The following LRRC43 variants were observed in gnomAD, a reference collection of about 807,000 sequenced individuals.
The protein encoded by LRRC43 is leucine-rich repeat-containing protein 43.
LRRC43 carries 62 observed loss-of-function variants against 64.3 expected under a neutral mutation model. The observed-to-expected ratio is 0.96, with a 90% CI of 0.79 to 1.19. The LOEUF (loss-of-function observed/expected upper bound fraction) is 1.19. LRRC43 is among the 50% of genes most tolerant of loss of function. The probability of loss-of-function intolerance (pLI) is 0.00; values close to 1 mark genes in which losing one functional copy is unlikely to be tolerated. For missense variants in LRRC43, 868 were observed against 845.0 expected (o/e 1.03, Z -0.34); for synonymous variants, 422 against 382.3 (o/e 1.10, Z -1.21).
rs1345586107 is a variant in LRRC43 at position 122,187,803 on chromosome 12, G to A, written c.625G>A (p.Gly209Ser). ...GGGGTTAGGCCACAACAAACTTCTA[G>A]GCCCCTTGGAAAGTCTCTACGTCAC... The part of the protein sequence containing the change: ...HLGLGHNKLL[G>S]PLESLYVTAN... The change falls in exon 4 of 12, where the codon GGC (glycine) becomes AGC (serine). Residue 209 changes from glycine (G) to serine (S), a missense_variant. By Grantham distance (56) the Gly-to-Ser change is moderately conservative. Transcript: ENST00000339777. 4 of 1,614,162 alleles carry A rather than the reference G, an allele frequency of 2.5e-6. No homozygotes were observed. In the Middle Eastern group the frequency reaches 4.9e-4, roughly 200 times the overall value.
Position 122,177,343 on chromosome 12 carries a change from C to T in LRRC43, c.-405-7176C>T, listed in dbSNP as rs1953544963. Among the ~76,000 whole-genome samples, 2 of 152,092 alleles carry T rather than the reference C, an allele frequency of 1.3e-5. 1 individual carries two copies. Among genetic ancestry groups the T allele is most frequent in the African/African-American group, 4.8e-5 (2 of 41,416 alleles). On this transcript the variant is annotated intron_variant, in intron 1 of 5. Transcript: ENST00000537729. ...AATAATTTGGTCAATAACCACTGAGCTTGGAAGAGGATGCTGAGACCTAGA... is the reference window on the plus strand; with the variant it reads ...AATAATTTGGTCAATAACCACTGAGTTTGGAAGAGGATGCTGAGACCTAGA...
At chr12:122,183,086 G>T (rs1953596869), upstream of LRRC43, 2 of 1,507,440 alleles carry the variant, frequency 1.3e-6, no homozygotes, top group Non-Finnish European at 1.8e-6. Context: ...AGAGCGCCTG[G>T]AGAGGCCCCT....
intron 1 of LRRC43, among the ~76,000 whole-genome samples, chr12:122,168,122 AT>A (rs1265716278): frequency 1.4e-5 from 2 of 144,706 alleles, no homozygotes; most frequent in Non-Finnish European, 3.0e-5. Context: ...GCAAAAAAAA[AT>A]GTTTTAAGTA....
chr12:122,201,205 G>A, intron 10 of LRRC43, 91 bp from the exon 11 acceptor site: 1 of 1,313,312 alleles, frequency 7.6e-7, no homozygotes, highest in Admixed American at 1.7e-5. Context: ...GGACCTGTCA[G>A]AGCCTTGGAG....
chr12:122,183,191 G>A lies in LRRC43; in HGVS notation c.47G>A (p.Gly16Glu), dbSNP rs890083607. The A allele has an allele frequency of 6.4e-7, 1 of 1,560,990 alleles. No homozygotes were observed. The highest frequency in any genetic ancestry group is 8.6e-7 in the Non-Finnish European group (1 of 1,161,266). ...GAGTCCGAGTCCGAGTCTGAGGCCG[G>A]GCCTGGGACTCAGCGGCCCGGGACC... ...ESESESESEA[G>E]PGTQRPGTGT... Residue 16 changes from glycine (G) to glutamate (E), a missense_variant, in exon 1 of 12, where the codon GGG becomes GAG. Coordinates refer to ENST00000339777, the MANE Select transcript of LRRC43 (RefSeq NM_001098519.2).
rs376554290 is a variant in LRRC43, at chr12:122,190,319, C to T, written c.852C>T (p.Thr284=). 107 of 1,614,046 alleles carry T rather than the reference C, an allele frequency of 6.6e-5. No individual in the cohort carries two copies. Among genetic ancestry groups the T allele is most frequent in the African/African-American group, 3.9e-4 (29 of 74,916 alleles). The change falls in exon 5 of 12, where the codon ACC becomes ACT. Residue 284 remains threonine, a synonymous_variant. Coordinates refer to ENST00000339777, the MANE Select transcript of LRRC43 (RefSeq NM_001098519.2). The stretch of plus-strand genomic sequence containing the variant: ...AGCTCTGCGTGCTGGACGACATCAC[C>T]GTGTCTCCCAATGAGAAGCATCTCT... ...LAQLCVLDDI[T]VSPNEKHLFR...
intron 1 of LRRC43, among the ~76,000 whole-genome samples, chr12:122,169,715 CAAAAAAAAAAAAA>C (rs1156784202): frequency 2.0e-5 from 1 of 49,424 alleles, no homozygotes; most frequent in South Asian, 8.3e-4. Flanking sequence ...GACTCCGTCT[CAAAAAAAAAAAAA>C]AAAAAAAAAA....
At chr12:122,179,189 G>C (rs1208045715), upstream of LRRC43, among the ~76,000 whole-genome samples, 2 of 152,102 alleles carry the variant, frequency 1.3e-5, no homozygotes, top group Non-Finnish European at 2.9e-5. Flanking sequence ...CAAACTCCCA[G>C]GCTCAAGAGA....
At position 122,184,426 on chromosome 12, in the gene LRRC43, C is replaced by T. The variant is rs772598836; in HGVS notation, c.151-93C>T. 17 of 1,450,644 alleles carry T rather than the reference C, an allele frequency of 1.2e-5. No homozygotes were observed. The highest frequency in any genetic ancestry group is 2.3e-4 in the Middle Eastern group (1 of 4,444). The allele number at this position is 1,450,644 out of a possible 1,614,324, so 89.9% of individuals were successfully genotyped here. ...TAGATTTCTAAACTCTATCCCTAAT[C>T]GTCCAGTTTTATGATCTGTTCTGTT... On this transcript the variant is annotated intron_variant, in intron 1 of 11. Coordinates refer to ENST00000339777, the MANE Select transcript of LRRC43 (RefSeq NM_001098519.2). The surrounding 1 kb of genome is among the most constrained non-coding windows in gnomAD (Gnocchi z 4.0).
intron 11 of LRRC43, chr12:122,201,917 A>G (rs993592661): frequency 6.5e-6 from 1 of 152,820 alleles, no homozygotes; most frequent in Admixed American, 6.5e-5. Context: ...TGAGGTGAGG[A>G]GTTCGAGACC....
At chr12:122,196,489 T>C (rs1953773886) in intron 7 of LRRC43, among the ~76,000 whole-genome samples, 1 of 152,186 alleles carries the variant, frequency 6.6e-6, no homozygotes, top group Admixed American at 6.6e-5. Flanking sequence ...TCTAGAGGGC[T>C]GGGCACAGTG....
chr12:122,198,623 CTT>C (rs1012460173), intron 7 of LRRC43, among the ~76,000 whole-genome samples: 5 of 100,486 alleles, frequency 5.0e-5, no homozygotes, highest in South Asian at 2.9e-4. Flanking sequence ...TGCTTCATTC[CTT>C]TTTTTTTTTT....
Position 122,184,635 on chromosome 12 carries a change from C to A in LRRC43, c.267C>A (p.Arg89=). Residue 89 remains arginine (R), a synonymous_variant, in exon 2 of 12, where the codon CGC becomes CGA. Coordinates refer to ENST00000339777, the MANE Select transcript of LRRC43 (RefSeq NM_001098519.2). The surrounding 1 kb of genome is among the most constrained non-coding windows in gnomAD (Gnocchi z 4.0). ...ETVEALLGLV[R]SRHSPWALLN... ...TGGAGGCCCTGCTGGGCCTGGTCCGCAGCCGCCACTCCCCCTGGGCTCTGC... is the reference window on the plus strand; with the variant it reads ...TGGAGGCCCTGCTGGGCCTGGTCCGAAGCCGCCACTCCCCCTGGGCTCTGC... 2 of 1,613,904 alleles carry A rather than the reference C, an allele frequency of 1.2e-6. No homozygotes were observed. The highest frequency in any genetic ancestry group is 1.7e-6 in the Non-Finnish European group (2 of 1,179,870).
Position 122,200,605 on chromosome 12 carries a change from A to ACAAGAAAGGGGGGGAGAAAGG in LRRC43, c.1575_1576insGGGGAGAAAGGCAAGAAAGGG (p.Gly525_Lys526insGlyGluLysGlyLysLysGly). 6.2e-7 allele frequency: 1 copy of ACAAGAAAGGGGGGGAGAAAGG among 1,614,188 alleles called. No individual in the cohort carries two copies. ...GCCAAGAAAGGAAAGGGGGAGAAAG[A>ACAAGAAAGGGGGGGAGAAAGG]CAAGAAAGGGAAGGAGAAAGACAGG... On this transcript the variant is annotated inframe_insertion, in exon 9 of 12. Coordinates refer to ENST00000339777, the MANE Select transcript of LRRC43 (RefSeq NM_001098519.2). The surrounding 1 kb of genome is among the most constrained non-coding windows in gnomAD (Gnocchi z 4.6).
chr12:122,192,837 T>C lies in LRRC43; in HGVS notation c.1182T>C (p.Val394=). The C allele has an allele frequency of 6.2e-7, 1 of 1,614,150 alleles. No individual in the cohort carries two copies. Among genetic ancestry groups the C allele is most frequent in the South Asian group, 1.1e-5 (1 of 91,086 alleles). Residue 394 remains valine, a synonymous_variant, in exon 7 of 12, where the codon GTT becomes GTC. Transcript: ENST00000339777. ...EDVIEDIVEE[V]TEEVEGSLES... Reference sequence around the variant, plus strand: ...TCATCGAAGACATTGTTGAAGAGGTTACTGAAGAGGTCGAAGGGTCTCTGG... The same window carrying C: ...TCATCGAAGACATTGTTGAAGAGGTCACTGAAGAGGTCGAAGGGTCTCTGG...
At chr12:122,167,832 T>TG (rs397932791) in intron 1 of LRRC43, 1 of 151,072 alleles carries the variant, frequency 6.6e-6, no homozygotes, top group African/African-American at 2.4e-5. Context: ...TTTTTTTTTT[T>TG]GAAATGGAGT....
intron 4 of LRRC43, among the ~76,000 whole-genome samples, chr12:122,189,754 C>T (rs1053682485): frequency 5.9e-5 from 9 of 152,348 alleles, no homozygotes; most frequent in East Asian, 1.9e-4. Context: ...AACTCCCCCA[C>T]GGTGGCTGTC....
intron 7 of LRRC43, among the ~76,000 whole-genome samples, chr12:122,194,841 A>G (rs1317577045): frequency 6.6e-6 from 1 of 152,168 alleles, no homozygotes; most frequent in Non-Finnish European, 1.5e-5. Flanking sequence ...ATGGTCAAAT[A>G]TATTACATTT....
At chr12:122,178,079 C>T (rs766716088) in intron 1 of LRRC43, among the ~76,000 whole-genome samples, 3 of 151,804 alleles carry the variant, frequency 2.0e-5, no homozygotes, top group Non-Finnish European at 4.4e-5. Context: ...CTCAAGTGAT[C>T]CACCCACCTT....
Sources: gnomAD v4.1 joint callset for allele counts (sites outside exome capture counted in the v4.1 genomes callset) on GRCh38, gnomAD v4.1.1 for gene constraint, Gnocchi (gnomAD v3.1) non-coding constraint, MANE v1.5 for transcripts, NCBI Gene and HGNC (gene_info 2026-07-23, HGNC 2026-07-21) for gene names.